TTC23L: variants seen among roughly 807,000 people sequenced by gnomAD.
TTC23L encodes tetratricopeptide repeat domain 23 like, also known as tetratricopeptide repeat protein 23-like.
TTC23L carries 42 observed loss-of-function variants against 48.1 expected under a neutral mutation model. The ratio of observed to expected loss-of-function variants is 0.87; its 90% CI spans 0.68 to 1.13. The LOEUF is 1.13. Ranked by LOEUF, TTC23L falls within the 50% of genes most tolerant of loss-of-function variation. TTC23L has a pLI of 0.00. For synonymous variants in TTC23L, 159 were observed against 157.2 expected (o/e 1.01, Z -0.09); for missense variants, 391 against 421.0 (o/e 0.93, Z 0.62).
the TTC23L span, chr5:34,923,372 C>G: frequency 3.1e-6 from 2 of 651,326 alleles, no homozygotes; most frequent in African/African-American, 1.8e-5. Context: ...CTCCACCTCC[C>G]GGGTTCAAGC....
the TTC23L span, chr5:34,905,643 G>C: frequency 6.6e-6 from 1 of 151,886 alleles, no homozygotes; most frequent in African/African-American, 2.4e-5. Context: ...TAGAAAGAGA[G>C]ATAAACTTCA....
chr5:34,883,474 T>G (rs1038696657), intron 9 of TTC23L: 1 of 170,188 alleles, frequency 5.9e-6, no homozygotes, highest in African/African-American at 2.4e-5. Context: ...AAGCACACTT[T>G]GTGAGAACTA....
the TTC23L span, chr5:34,908,692 A>C: frequency 5.3e-6 from 7 of 1,325,990 alleles, no homozygotes; most frequent in Non-Finnish European, 7.2e-6. Flanking sequence ...ATGAAATGAC[A>C]AAGAGTACTG....
At chr5:34,849,076 T>G (rs1381884837) in intron 3 of TTC23L, among the ~76,000 whole-genome samples, 1 of 152,244 alleles carries the variant, frequency 6.6e-6, no homozygotes, top group Non-Finnish European at 1.5e-5. Context: ...CCATGTGTCC[T>G]GCCTTTCCAA....
intron 2 of TTC23L, 120 bp from the exon 3 acceptor site, chr5:34,845,366 TC>T: frequency 1.9e-6 from 2 of 1,048,200 alleles, no homozygotes; most frequent in Non-Finnish European, 2.7e-6. Context: ...CTTTATTCCT[TC>T]CGGTTTATGT....
chr5:34,915,596 G>A, the TTC23L span: 3 of 1,091,562 alleles, frequency 2.7e-6, no homozygotes, highest in Admixed American at 6.7e-5. Flanking sequence ...CGCGTGCCGC[G>A]CCACCGAGAC....
chr5:34,921,323 A>T, the TTC23L span: 1 of 152,216 alleles, frequency 6.6e-6, no homozygotes, highest in African/African-American at 2.4e-5. Context: ...TGATATACTT[A>T]GGCTTTTCAC....
intron 4 of TTC23L, among the ~76,000 whole-genome samples, chr5:34,857,823 A>ATGTTT (rs1760251170): frequency 6.6e-6 from 1 of 152,200 alleles, no homozygotes; most frequent in East Asian, 1.9e-4. Context: ...AAGGATGTTC[A>ATGTTT]AGTCATAATG....
At chr5:34,911,654 T>C in the TTC23L span, 2 of 1,614,154 alleles carry the variant, frequency 1.2e-6, no homozygotes, top group Non-Finnish European at 1.7e-6. Flanking sequence ...TGCAGAATAA[T>C]TTTATTAATA....
chr5:34,865,764 A>G (rs1761004183), intron 6 of TTC23L, among the ~76,000 whole-genome samples: 1 of 152,148 alleles, frequency 6.6e-6, no homozygotes, highest in African/African-American at 2.4e-5. Flanking sequence ...GCAGGGTGCA[A>G]TCAGAACTCA....
intron 8 of TTC23L, among the ~76,000 whole-genome samples, chr5:34,876,202 C>T (rs1467826286): frequency 6.6e-6 from 1 of 151,908 alleles, no homozygotes; most frequent in Non-Finnish European, 1.5e-5. Flanking sequence ...AAGTTTCTAT[C>T]TTAGGAAGCT....
chr5:34,894,886 G>A (rs569818823), intron 9 of TTC23L, among the ~76,000 whole-genome samples: 2 of 106,966 alleles, frequency 1.9e-5, no homozygotes, highest in Admixed American at 9.3e-5. Context: ...GAGTGTTAAT[G>A]ATGATGATGA....
intron 3 of TTC23L, 38 bp downstream of exon 3, chr5:34,845,711 A>G (rs375835259): frequency 4.2e-4 from 667 of 1,570,772 alleles, no homozygotes; most frequent in Non-Finnish European, 5.0e-4. Flanking sequence ...GTTTCCATTT[A>G]AAAATATGTT....
intron 4 of TTC23L, among the ~76,000 whole-genome samples, chr5:34,851,674 T>C (rs1217293903): frequency 6.6e-6 from 1 of 152,238 alleles, no homozygotes; most frequent in Non-Finnish European, 1.5e-5. Context: ...GATCTTCCCC[T>C]AGTGGCGTTC....
the TTC23L span, chr5:34,916,111 C>A: frequency 2.1e-6 from 1 of 480,258 alleles, no homozygotes; most frequent in African/African-American, 2.0e-5. Flanking sequence ...GGTTTTAAAA[C>A]CTTTACCCGG....
Position 34,863,115 on chromosome 5 carries a change from G to A in TTC23L, c.536+61G>A. 6.3e-7 allele frequency: 1 copy of A among 1,597,952 alleles called. No homozygotes were observed. The highest frequency in any genetic ancestry group is 8.5e-7 in the Non-Finnish European group (1 of 1,170,262). ...GGCCACAGGCCACACATGCCAGATGGGTCATCTCATACAGGAGGGTGGGAG... is the reference window on the plus strand; with the variant it reads ...GGCCACAGGCCACACATGCCAGATGAGTCATCTCATACAGGAGGGTGGGAG... On this transcript the variant is annotated intron_variant, in intron 5 of 10. Coordinates refer to ENST00000505624, the Ensembl canonical transcript of TTC23L. The surrounding 1 kb of genome is among the most constrained non-coding windows in gnomAD (Gnocchi z 4.1).
At chr5:34,839,249 C>G (rs947815875) in exon 1 of TTC23L, 13 of 152,698 alleles carry the variant, frequency 8.5e-5, no homozygotes, top group African/African-American at 3.1e-4. Flanking sequence ...CGCTTTGGCG[C>G]CCGGACCGAG....
intron 2 of TTC23L, among the ~76,000 whole-genome samples, chr5:34,844,462 G>A (rs1164688532): frequency 1.7e-4 from 15 of 86,556 alleles, no homozygotes; most frequent in African/African-American, 2.3e-4. Context: ...AAAAAAAAAA[G>A]GTTACACTTG....
At chr5:34,893,603 T>C (rs1763014422) in intron 9 of TTC23L, among the ~76,000 whole-genome samples, 1 of 152,200 alleles carries the variant, frequency 6.6e-6, no homozygotes, top group African/African-American at 2.4e-5. Flanking sequence ...TCCTAAGGCT[T>C]ACTTTCTTCA....
Sources: allele counts gnomAD v4.1 joint callset (sites outside exome capture counted in the v4.1 genomes callset), GRCh38; gene constraint gnomAD v4.1.1; non-coding constraint Gnocchi (gnomAD v3.1); transcripts MANE v1.5; gene names NCBI Gene and HGNC (gene_info 2026-07-23, HGNC 2026-07-21).